The following ASIC2 variants were observed in gnomAD, a reference collection of about 807,000 sequenced individuals.
The protein encoded by ASIC2 is acid sensing ion channel subunit 2, also known as acid-sensing ion channel 2.
ASIC2 carries 25 observed loss-of-function variants against 57.3 expected under a neutral mutation model. The ratio of observed to expected loss-of-function variants is 0.44; its 90% CI spans 0.32 to 0.61. ASIC2 has a LOEUF of 0.61. Among genes scored for constraint, ASIC2 ranks in the 20% least tolerant of loss-of-function variants. The pLI is 0.06. For synonymous variants in ASIC2, 319 were observed against 307.5 expected (o/e 1.04, Z -0.39); for missense variants, 641 against 738.1 (o/e 0.87, Z 1.52).
intron 1 of ASIC2, among the ~76,000 whole-genome samples, chr17:33,696,541 A>G (rs1908535556): frequency 6.6e-6 from 1 of 152,198 alleles, no homozygotes; most frequent in Non-Finnish European, 1.5e-5. Context: ...TATAGAACAC[A>G]TGACATGAAC....
At chr17:33,778,812 C>T (rs1289681575) in intron 1 of ASIC2, among the ~76,000 whole-genome samples, 5 of 152,186 alleles carry the variant, frequency 3.3e-5, no homozygotes, top group African/African-American at 1.2e-4. Flanking sequence ...ATAGTGGATA[C>T]TCATGAAGTA....
chr17:33,045,699 G>C (rs561732074), intron 3 of ASIC2, among the ~76,000 whole-genome samples: 47 of 152,346 alleles, frequency 3.1e-4, no homozygotes, highest in Admixed American at 9.8e-4. Context: ...ATAGTACTGA[G>C]AGGGAGAGTC....
chr17:34,071,043 T>C (rs1247745343), intron 1 of ASIC2: 1 of 152,212 alleles, frequency 6.6e-6, no homozygotes, highest in Non-Finnish European at 1.5e-5. Flanking sequence ...TGGGAAGATA[T>C]GACGTACTTC....
chr17:33,697,410 C>T (rs183693528), intron 1 of ASIC2, among the ~76,000 whole-genome samples: 1 of 152,172 alleles, frequency 6.6e-6, no homozygotes, highest in Non-Finnish European at 1.5e-5. Flanking sequence ...AGAAAATCCA[C>T]ATAGAAGTTG....
chr17:33,153,350 T>G (rs984130674), intron 1 of ASIC2, among the ~76,000 whole-genome samples: 4 of 152,100 alleles, frequency 2.6e-5, no homozygotes, highest in Non-Finnish European at 2.9e-5. Flanking sequence ...GGGGTGAGAG[T>G]GCACTTGGGA....
chr17:33,729,284 T>G (rs539465742), intron 1 of ASIC2, among the ~76,000 whole-genome samples: 8 of 152,244 alleles, frequency 5.3e-5, no homozygotes, highest in African/African-American at 1.9e-4. Context: ...CACACTTTTT[T>G]AAACAACCAG....
intron 1 of ASIC2, among the ~76,000 whole-genome samples, chr17:33,690,599 C>T (rs1380451822): frequency 6.6e-6 from 1 of 151,960 alleles, no homozygotes; most frequent in East Asian, 1.9e-4. Context: ...AGAAACAATG[C>T]GGGAGGGGAC....
At chr17:33,592,304 G>C (rs1454513041) in intron 1 of ASIC2, among the ~76,000 whole-genome samples, 1 of 152,228 alleles carries the variant, frequency 6.6e-6, no homozygotes, top group East Asian at 1.9e-4. Context: ...AAGATCATCT[G>C]TCCGATGGTT....
At chr17:33,363,891 C>T (rs11080213) in intron 1 of ASIC2, among the ~76,000 whole-genome samples, 43,856 of 152,096 alleles carry the variant, frequency 0.29, 7,183 homozygotes, top group Non-Finnish European at 0.36. Flanking sequence ...CTGGGGCAGC[C>T]ACCTGGGCTT....
At position 33,307,614 on chromosome 17, in the gene ASIC2, A is replaced by G. The variant is rs148264255; in HGVS notation, c.556-195547T>C. ...CATAAGCCAGCACACCCGACCTTCTACTCATCTTCTTAGACCTTGCTCAAC... is the reference window on the plus strand; with the variant it reads ...CATAAGCCAGCACACCCGACCTTCTGCTCATCTTCTTAGACCTTGCTCAAC... On this transcript the variant is annotated intron_variant, in intron 1 of 9. Transcript: ENST00000359872. 4.0e-3 allele frequency among the ~76,000 whole-genome samples: 607 copies of G among 152,174 alleles called. 3 individuals carry two copies. The highest frequency in any genetic ancestry group is 0.014 in the African/African-American group (587 of 41,496).
At chr17:33,701,511 G>A (rs1014614737) in intron 1 of ASIC2, among the ~76,000 whole-genome samples, 42 of 152,206 alleles carry the variant, frequency 2.8e-4, no homozygotes, top group African/African-American at 9.4e-4. Context: ...TTACACAAGG[G>A]ACAGGAAGTA....
chr17:33,303,683 T>C (rs936066034), intron 1 of ASIC2, among the ~76,000 whole-genome samples: 3 of 152,158 alleles, frequency 2.0e-5, no homozygotes, highest in East Asian at 3.8e-4. Context: ...CCTCCCTTTT[T>C]CCCTCTTATT....
At chr17:34,046,888 C>T (rs1343588503) in intron 1 of ASIC2, among the ~76,000 whole-genome samples, 1 of 152,128 alleles carries the variant, frequency 6.6e-6, no homozygotes, top group African/African-American at 2.4e-5. Context: ...CCAGCTGAAC[C>T]ACATATACCT....
chr17:33,265,131 G>A (rs554896857), intron 1 of ASIC2, among the ~76,000 whole-genome samples: 7 of 152,316 alleles, frequency 4.6e-5, no homozygotes, highest in African/African-American at 1.7e-4. Context: ...GTAATTCCCA[G>A]ATGGGCCATT....
intron 2 of ASIC2, among the ~76,000 whole-genome samples, chr17:33,096,451 G>C (rs988710466): frequency 1.3e-5 from 2 of 152,210 alleles, no homozygotes; most frequent in Non-Finnish European, 2.9e-5. Flanking sequence ...AATGAAAAAA[G>C]TCAGGCTGCT....
chr17:34,107,366 A>C (rs187473527), intron 1 of ASIC2, among the ~76,000 whole-genome samples: 176 of 152,178 alleles, frequency 1.2e-3, no homozygotes, highest in Admixed American at 2.3e-3. Context: ...AAAATTAGCT[A>C]GGGGTGGTGG....
chr17:34,041,504 T>C (rs1044833712), intron 1 of ASIC2: 2 of 152,152 alleles, frequency 1.3e-5, no homozygotes, highest in African/African-American at 2.4e-5. Context: ...AAACTCCACC[T>C]CCCCTTATTA....
At chr17:34,036,601 T>A (rs1489601080) in intron 1 of ASIC2, 1 of 149,994 alleles carries the variant, frequency 6.7e-6, no homozygotes, top group Non-Finnish European at 1.5e-5. Context: ...ATCACAGAGA[T>A]TAATGAAAAG....
At chr17:33,986,611 G>A (rs923793105) in intron 1 of ASIC2, among the ~76,000 whole-genome samples, 1 of 151,974 alleles carries the variant, frequency 6.6e-6, no homozygotes, top group Admixed American at 6.6e-5. Flanking sequence ...AATGTCATGG[G>A]AGGGACACTT....
Sources: allele counts gnomAD v4.1 joint callset (sites outside exome capture counted in the v4.1 genomes callset), GRCh38; gene constraint gnomAD v4.1.1; transcripts MANE v1.5; gene names NCBI Gene and HGNC (gene_info 2026-07-23, HGNC 2026-07-21).